The following CLEC16A variants were observed in gnomAD, a reference collection of about 807,000 sequenced individuals.
CLEC16A encodes the protein protein CLEC16A.
A neutral mutation model predicts 109.5 loss-of-function variants in CLEC16A; 51 were observed. The observed-to-expected ratio is 0.47, with a 90% confidence interval of 0.37 to 0.59. The LOEUF is 0.59. CLEC16A is among the 20% of genes least tolerant of loss of function. The pLI is 0.00. For missense variants in CLEC16A, 1,339 were observed against 1,394.0 expected, an observed-to-expected ratio of 0.96 and a Z score of 0.63; for synonymous variants, 673 against 564.2, an observed-to-expected ratio of 1.19 and a Z score of -2.73.
intron 10 of CLEC16A, among the ~76,000 whole-genome samples, chr16:10,995,081 G>A (rs548266219): frequency 6.6e-6 from 1 of 152,362 alleles, no homozygotes; most frequent in Admixed American, 6.5e-5. Context: ...GTAGGATAAA[G>A]CAAGACAATG....
intron 22 of CLEC16A, among the ~76,000 whole-genome samples, chr16:11,157,722 G>C (rs193083276): frequency 2.1e-4 from 32 of 152,322 alleles, no homozygotes; most frequent in Non-Finnish European, 3.4e-4. Flanking sequence ...GCCCATGTCG[G>C]TGTGCTGTTG....
chr16:11,009,491 A>G (rs1295068016), intron 11 of CLEC16A, among the ~76,000 whole-genome samples: 2 of 152,184 alleles, frequency 1.3e-5, no homozygotes, highest in African/African-American at 4.8e-5. Context: ...AAGCAAAATG[A>G]GTTGGAGATT....
At chr16:11,164,158 C>T (rs982866255) in intron 22 of CLEC16A, among the ~76,000 whole-genome samples, 10 of 152,260 alleles carry the variant, frequency 6.6e-5, no homozygotes, top group Non-Finnish European at 8.8e-5. Context: ...CCTTTCTCTC[C>T]GCAAGCAGAC....
At chr16:11,107,018 A>G (rs1457936261) in intron 19 of CLEC16A, among the ~76,000 whole-genome samples, 1 of 152,132 alleles carries the variant, frequency 6.6e-6, no homozygotes, top group Non-Finnish European at 1.5e-5. Context: ...TTTTCTTAAC[A>G]GTGCTCTGCC....
At chr16:11,157,861 T>A (rs547053501) in intron 22 of CLEC16A, among the ~76,000 whole-genome samples, 2 of 152,210 alleles carry the variant, frequency 1.3e-5, no homozygotes, top group East Asian at 1.9e-4. Flanking sequence ...ACTGAGTAGC[T>A]CCTAGCCCCC....
chr16:11,119,883 G>GTTGGAT (rs1398394560), intron 19 of CLEC16A, among the ~76,000 whole-genome samples: 1 of 152,142 alleles, frequency 6.6e-6, no homozygotes, highest in Non-Finnish European at 1.5e-5. Context: ...ATCCATGAGC[G>GTTGGAT]TTGGATGTTT....
At chr16:11,035,055 CAGG>C (rs2046947978) in intron 13 of CLEC16A, among the ~76,000 whole-genome samples, 1 of 152,180 alleles carries the variant, frequency 6.6e-6, no homozygotes, top group African/African-American at 2.4e-5. Context: ...TTGTTTCAGG[CAGG>C]AGGCTTAAAC....
chr16:11,070,051 A>G (rs528959893), intron 19 of CLEC16A, among the ~76,000 whole-genome samples: 20 of 149,002 alleles, frequency 1.3e-4, no homozygotes, highest in Non-Finnish European at 2.7e-4. Flanking sequence ...AGCTTCTCCC[A>G]GCACCTTGTT....
At chr16:11,053,678 G>C (rs2048065017) in intron 18 of CLEC16A, among the ~76,000 whole-genome samples, 2 of 152,178 alleles carry the variant, frequency 1.3e-5, no homozygotes. Context: ...GTCCACAGGG[G>C]AAGAAATTGA....
Position 10,977,415 on chromosome 16 carries a change from T to C in CLEC16A, c.903+16T>C, listed in dbSNP as rs199540143. ...CCAGGACAAGGTGGGTCCAGCCCCG[T>C]GGCTCCCGCTGGCTGAAGGCCATCA... On this transcript the variant is annotated intron_variant, in intron 8 of 23. Coordinates refer to ENST00000409790, the MANE Select transcript of CLEC16A (RefSeq NM_015226.3). The C allele has an allele frequency of 1.9e-6, 3 of 1,604,790 alleles. No homozygotes were observed. In the South Asian group the frequency reaches 3.3e-5, roughly 18 times the overall value.
At chr16:11,085,382 G>A (rs559605429) in intron 19 of CLEC16A, among the ~76,000 whole-genome samples, 3 of 152,388 alleles carry the variant, frequency 2.0e-5, no homozygotes, top group Admixed American at 6.5e-5. Context: ...TTGAGTGCCC[G>A]TGGAGGTGCT....
At chr16:11,113,726 G>A (rs1230139511) in intron 19 of CLEC16A, among the ~76,000 whole-genome samples, 3 of 152,172 alleles carry the variant, frequency 2.0e-5, no homozygotes, top group African/African-American at 7.2e-5. Context: ...CTCATCGTAT[G>A]TTCTTGAGAC....
intron 23 of CLEC16A, among the ~76,000 whole-genome samples, chr16:11,166,952 A>G (rs540021645): frequency 2.0e-5 from 3 of 152,172 alleles, no homozygotes; most frequent in African/African-American, 7.2e-5. Flanking sequence ...TTTCCTCTGT[A>G]ACATACCAGT....
chr16:11,173,521 G>A (rs984527791), intron 23 of CLEC16A, among the ~76,000 whole-genome samples: 3 of 152,094 alleles, frequency 2.0e-5, no homozygotes, highest in African/African-American at 4.8e-5. Flanking sequence ...TCACCAAGTC[G>A]CTGCCCAGTT....
At chr16:10,979,468 C>T in intron 9 of CLEC16A, 86 bp downstream of exon 9, 1 of 1,179,552 alleles carries the variant, frequency 8.5e-7, no homozygotes, top group South Asian at 1.3e-5. Flanking sequence ...CAGGCCTTAT[C>T]ACCCCATCTT....
At position 11,123,727 on chromosome 16, in the gene CLEC16A, C is replaced by T; in HGVS notation, c.2269-15C>T. The T allele has an allele frequency of 1.2e-6, 2 of 1,613,826 alleles. No individual in the cohort carries two copies. Among genetic ancestry groups the T allele is most frequent in the Non-Finnish European group, 8.5e-7 (1 of 1,179,688 alleles). ...AACCCAACGAATGCCTTTTCCTTTG[C>T]TTCTCACTGTGCAGGACATGCAGGT... On this transcript the variant is annotated splice_polypyrimidine_tract_variant and intron_variant, in intron 20 of 23. Coordinates refer to ENST00000409790, the MANE Select transcript of CLEC16A (RefSeq NM_015226.3).
intron 3 of CLEC16A, among the ~76,000 whole-genome samples, chr16:10,965,385 G>C (rs2042452405): frequency 6.6e-6 from 1 of 152,212 alleles, no homozygotes; most frequent in African/African-American, 2.4e-5. Flanking sequence ...AAAGCCAAAT[G>C]TTAGAAAAAT....
intron 22 of CLEC16A, among the ~76,000 whole-genome samples, chr16:11,131,871 C>T (rs1255576826): frequency 6.6e-6 from 1 of 152,010 alleles, no homozygotes; most frequent in Non-Finnish European, 1.5e-5. Context: ...TTCAGCCGCA[C>T]TGGCTGGCTG....
At chr16:10,950,005 G>T (rs902124171) in intron 1 of CLEC16A, among the ~76,000 whole-genome samples, 2 of 152,206 alleles carry the variant, frequency 1.3e-5, no homozygotes, top group Non-Finnish European at 2.9e-5. Flanking sequence ...GCCAACAAGA[G>T]TTTTGCTGTC....
Sources: gnomAD v4.1 joint callset for allele counts (sites outside exome capture counted in the v4.1 genomes callset) on GRCh38, gnomAD v4.1.1 for gene constraint, MANE v1.5 for transcripts, NCBI Gene and HGNC (gene_info 2026-07-23, HGNC 2026-07-21) for gene names.